Variants in SUN3 observed in about 807,000 individuals in gnomAD.
The protein encoded by SUN3 is SUN domain-containing protein 3.
SUN3 carries 36 observed loss-of-function variants against 48.2 expected under a neutral mutation model. That is an observed-to-expected ratio of 0.75 (90% CI 0.57 to 0.99). The LOEUF is 0.99. SUN3 is among the 50% of genes least tolerant of loss of function. The pLI, the probability that SUN3 is intolerant of heterozygous loss-of-function variation, is 0.00. For missense variants in SUN3, 419 were observed against 433.1 expected (o/e 0.97, Z 0.29); for synonymous variants, 148 against 147.9 (o/e 1.00, Z 0.00).
chr7:48,000,094 A>T (rs1313973908), intron 6 of SUN3: 2 of 152,170 alleles, frequency 1.3e-5, no homozygotes, highest in African/African-American at 4.8e-5. Flanking sequence ...CAACAGCCAT[A>T]CATATTTTAA....
chr7:48,035,627 G>T, the SUN3 span: 1 of 686,968 alleles, frequency 1.5e-6, no homozygotes, highest in Non-Finnish European at 2.6e-6. This position sits in a 1 kb window ranked among gnomAD's most constrained non-coding sequence, Gnocchi z 4.0. Context: ...CCCGCGGGGA[G>T]CTGGTGAGCC....
At chr7:48,002,452 C>T (rs955082385) in intron 6 of SUN3, among the ~76,000 whole-genome samples, 1 of 126,824 alleles carries the variant, frequency 7.9e-6, no homozygotes. Flanking sequence ...GCCACCGCGC[C>T]CGGCCTTGAT....
At chr7:47,991,111 C>A in intron 8 of SUN3, 1 of 447,160 alleles carries the variant, frequency 2.2e-6, no homozygotes, top group East Asian at 7.0e-5. Flanking sequence ...AAAACGGGGT[C>A]TGGCCATGCT....
chr7:48,019,581 T>C (rs968337587), intron 2 of SUN3, among the ~76,000 whole-genome samples: 5 of 151,366 alleles, frequency 3.3e-5, no homozygotes, highest in African/African-American at 1.2e-4. Context: ...ACAAATGAAA[T>C]TAGAAATAAT....
intron 6 of SUN3, among the ~76,000 whole-genome samples, chr7:48,001,341 G>C (rs1285096590): frequency 6.6e-6 from 1 of 151,918 alleles, no homozygotes; most frequent in Non-Finnish European, 1.5e-5. Flanking sequence ...ATGTGTTTTT[G>C]GTTTTCTATT....
chr7:48,000,849 T>C (rs751720705), intron 6 of SUN3, among the ~76,000 whole-genome samples: 44 of 149,960 alleles, frequency 2.9e-4, no homozygotes, highest in Non-Finnish European at 5.8e-4. Context: ...GCCATGCTTT[T>C]TGAGTCTGTA....
chr7:47,992,024 C>A (rs1252957074), intron 8 of SUN3, among the ~76,000 whole-genome samples: 2 of 152,164 alleles, frequency 1.3e-5, no homozygotes, highest in East Asian at 3.9e-4. Context: ...TCCCCAGCAG[C>A]TCATGGTGTG....
In SUN3 at chr7:47,997,448, G is replaced by A. The variant is rs151107919; in HGVS notation, c.578-1302C>T. ...ATCTACACTTTCACCTGCTAATGTG[G>A]GGACTGAATACCCCATCCCCATAAT... On this transcript the variant is annotated intron_variant, in intron 6 of 9. Transcript: ENST00000297325. 3.0e-3 allele frequency among the ~76,000 whole-genome samples: 452 copies of A among 152,194 alleles called. 6 individuals carry two copies. The highest frequency in any genetic ancestry group is 0.01 in the African/African-American group (421 of 41,522).
chr7:48,014,303 G>A (rs764392608), intron 3 of SUN3, among the ~76,000 whole-genome samples: 21 of 152,196 alleles, frequency 1.4e-4, no homozygotes, highest in Non-Finnish European at 2.2e-4. Flanking sequence ...TCGGAAGGTA[G>A]AAGGGAAGGA....
At chr7:48,009,536 G>A (rs571885000) in intron 3 of SUN3, among the ~76,000 whole-genome samples, 3 of 152,244 alleles carry the variant, frequency 2.0e-5, no homozygotes, top group South Asian at 4.2e-4. Context: ...GAATAAGGAG[G>A]GGGACTCCCA....
At chr7:48,013,636 A>G (rs531047923) in intron 3 of SUN3, among the ~76,000 whole-genome samples, 2 of 152,348 alleles carry the variant, frequency 1.3e-5, no homozygotes, top group South Asian at 2.1e-4. Context: ...CATTGAAAAT[A>G]TTATTCATTG....
rs1790109712 is a variant in SUN3 at position 48,025,485 on chromosome 7, T to G, written c.184+392A>C. On this transcript the variant is annotated intron_variant, in intron 2 of 9. Coordinates refer to ENST00000297325, the MANE Select transcript of SUN3 (RefSeq NM_001030019.2). Reference sequence around the variant, plus strand: ...TACAAACTGCACATTCTGCAGTAATTTATTTGGGAACTGTGTGATGAGCAA... The same window carrying G: ...TACAAACTGCACATTCTGCAGTAATGTATTTGGGAACTGTGTGATGAGCAA... Among the ~76,000 whole-genome samples the G allele has an allele frequency of 3.9e-5, 6 of 152,166 alleles. No individual in the cohort carries two copies. In the South Asian group the frequency reaches 1.2e-3, roughly 32 times the overall value.
chr7:47,998,142 T>C (rs904047465), intron 6 of SUN3, among the ~76,000 whole-genome samples: 1 of 152,222 alleles, frequency 6.6e-6, no homozygotes, highest in Non-Finnish European at 1.5e-5. Context: ...TCATAAGAAA[T>C]TGTCAAACTT....
At chr7:48,012,529 C>T (rs1789711901) in intron 3 of SUN3, among the ~76,000 whole-genome samples, 1 of 151,662 alleles carries the variant, frequency 6.6e-6, no homozygotes, top group South Asian at 2.1e-4. Context: ...TTTTTTTTCT[C>T]AATGAGGTCC....
chr7:48,014,581 T>A (rs1474695175), intron 3 of SUN3, among the ~76,000 whole-genome samples: 1 of 152,160 alleles, frequency 6.6e-6, no homozygotes, highest in Admixed American at 6.5e-5. Flanking sequence ...GCCTGTCTAA[T>A]GAGGAGACAT....
At chr7:48,027,442 T>G (rs866900879) in intron 1 of SUN3, among the ~76,000 whole-genome samples, 31 of 152,328 alleles carry the variant, frequency 2.0e-4, no homozygotes, top group Middle Eastern at 3.4e-3. Context: ...TGTTACAAAG[T>G]GGTTGTAATG....
intron 3 of SUN3, among the ~76,000 whole-genome samples, chr7:48,009,457 G>T (rs1789621858): frequency 6.6e-6 from 1 of 152,152 alleles, no homozygotes; most frequent in African/African-American, 2.4e-5. Flanking sequence ...GCCCCTGGTG[G>T]ATGTGGAAAA....
At chr7:48,006,750 A>G (rs1477021248) in intron 5 of SUN3, among the ~76,000 whole-genome samples, 1 of 152,236 alleles carries the variant, frequency 6.6e-6, no homozygotes, top group Non-Finnish European at 1.5e-5. Context: ...CGGAAGAGAA[A>G]GAAGCAAAAT....
intron 6 of SUN3, among the ~76,000 whole-genome samples, chr7:48,004,393 G>A (rs918106000): frequency 1.3e-5 from 2 of 152,210 alleles, no homozygotes; most frequent in African/African-American, 2.4e-5. Flanking sequence ...CCTTTTATGA[G>A]TGGTGGTTCC....
Sources: allele counts gnomAD v4.1 joint callset (sites outside exome capture counted in the v4.1 genomes callset), GRCh38; gene constraint gnomAD v4.1.1; non-coding constraint Gnocchi (gnomAD v3.1); transcripts MANE v1.5; gene names NCBI Gene and HGNC (gene_info 2026-07-23, HGNC 2026-07-21).